The following USP34 variants were observed in gnomAD, a reference collection of about 807,000 sequenced individuals.
USP34 encodes the protein ubiquitin carboxyl-terminal hydrolase 34.
Under a neutral mutation model 460.3 loss-of-function variants are expected in USP34, and 70 were observed. The observed-to-expected ratio is 0.15, with a 90% CI of 0.13 to 0.19. The LOEUF is 0.19. USP34 is among the 10% of genes least tolerant of loss of function. The pLI is 1.00. For missense variants in USP34, 3,985 were observed against 4,236.2 expected (o/e 0.94, Z 1.65); for synonymous variants, 1,647 against 1,405.3 (o/e 1.17, Z -3.85).
At chr2:61,459,696 G>A (rs759186816) in intron 1 of USP34, among the ~76,000 whole-genome samples, 1 of 150,140 alleles carries the variant, frequency 6.7e-6, no homozygotes, top group Non-Finnish European at 1.5e-5. Flanking sequence ...AGAATCGCTT[G>A]AACCCGGGAG....
intron 32 of USP34, 24 bp from the exon 33 acceptor site, chr2:61,293,574 A>G: frequency 6.3e-7 from 1 of 1,582,252 alleles, no homozygotes; most frequent in Non-Finnish European, 8.7e-7. Context: ...TGAAAGTAAT[A>G]GTAAGAGAAA....
intron 18 of USP34, among the ~76,000 whole-genome samples, chr2:61,338,400 G>T (rs1691491659): frequency 6.6e-6 from 1 of 152,104 alleles, no homozygotes; most frequent in Non-Finnish European, 1.5e-5. Flanking sequence ...ATATGTGCAT[G>T]AACAATGAAT....
intron 42 of USP34, 79 bp downstream of exon 42, chr2:61,265,905 C>T (rs1464223569): frequency 1.5e-6 from 2 of 1,316,202 alleles, no homozygotes; most frequent in Non-Finnish European, 2.0e-6. Context: ...AGAGCAGATT[C>T]TTTTGTTAAA....
intron 2 of USP34, among the ~76,000 whole-genome samples, chr2:61,416,085 T>G (rs1028270854): frequency 6.6e-6 from 1 of 152,212 alleles, no homozygotes; most frequent in Non-Finnish European, 1.5e-5. Context: ...AAAGGACTAT[T>G]ACTCCACAGT....
chr2:61,296,967 A>G (rs887784013), intron 29 of USP34, 42 bp from the exon 30 acceptor site: 3 of 1,552,666 alleles, frequency 1.9e-6, no homozygotes, highest in Non-Finnish European at 2.6e-6. Flanking sequence ...ACAGATCAGA[A>G]AAGAAAAAGT....
At chr2:61,195,366 TAAAAAA>T (rs34844512) in intron 75 of USP34, among the ~76,000 whole-genome samples, 1 of 140,208 alleles carries the variant, frequency 7.1e-6, no homozygotes, top group Non-Finnish European at 1.5e-5. Context: ...TTTTAAAGGT[TAAAAAA>T]AAAAAAAAAA....
rs78918282 is a variant in USP34 at position 61,443,898 on chromosome 2, G to C, written c.44-23065C>G. On this transcript the variant is annotated intron_variant, in intron 1 of 79. Coordinates refer to ENST00000398571, the MANE Select transcript of USP34 (RefSeq NM_014709.4). ...AGATGTTGATAATGGAGGAGGCTTC[G>C]TGTGTGGGGAGTCAGGTGGCATACC... 8.3e-4 allele frequency among the ~76,000 whole-genome samples: 126 copies of C among 152,244 alleles called. 1 individual carries two copies. The East Asian group carries it at 0.011, about 13-fold the overall frequency.
At chr2:61,324,664 G>A (rs935550115) in intron 21 of USP34, among the ~76,000 whole-genome samples, 4 of 151,976 alleles carry the variant, frequency 2.6e-5, no homozygotes, top group Admixed American at 6.6e-5. Flanking sequence ...ACGTTACTGA[G>A]GAGGCTAAGG....
intron 15 of USP34, 106 bp downstream of exon 15, chr2:61,347,764 C>G (rs1480517880): frequency 6.7e-7 from 1 of 1,503,398 alleles, no homozygotes; most frequent in Non-Finnish European, 8.9e-7. Context: ...TTGCACTATA[C>G]TACTAATGAA....
At chr2:61,229,457 T>TAAAAAAAAAAAAAAAAAAA (rs57231258) in intron 59 of USP34, 91 bp downstream of exon 59, 33 of 382,098 alleles carry the variant, frequency 8.6e-5, no homozygotes, top group African/African-American at 1.8e-4. Context: ...CCCTATCTCT[T>TAAAAAAAAAAAAAAAAAAA]AAAAAAAAAA....
intron 1 of USP34, among the ~76,000 whole-genome samples, chr2:61,458,273 T>C (rs1573064767): frequency 1.3e-5 from 2 of 152,014 alleles, no homozygotes; most frequent in South Asian, 4.2e-4. Flanking sequence ...TAAGAAGGTA[T>C]ATACAGGCCA....
At chr2:61,278,977 C>A (rs2103952131) in intron 39 of USP34, among the ~76,000 whole-genome samples, 1 of 152,160 alleles carries the variant, frequency 6.6e-6, no homozygotes, top group East Asian at 1.9e-4. Context: ...AACATTAAAA[C>A]AGACTTCACA....
At chr2:61,240,167 G>A (rs948152198) in intron 53 of USP34, among the ~76,000 whole-genome samples, 4 of 152,040 alleles carry the variant, frequency 2.6e-5, no homozygotes, top group African/African-American at 9.7e-5. Flanking sequence ...TTGGCTGACT[G>A]AATTCCTAAC....
intron 53 of USP34, among the ~76,000 whole-genome samples, chr2:61,240,864 G>T (rs921178535): frequency 6.6e-6 from 1 of 152,030 alleles, no homozygotes; most frequent in Non-Finnish European, 1.5e-5. Flanking sequence ...ATGAGCCACT[G>T]CGCCTGGGTG....
chr2:61,321,658 T>C (rs185261203), intron 21 of USP34, among the ~76,000 whole-genome samples: 4 of 152,346 alleles, frequency 2.6e-5, no homozygotes, highest in Non-Finnish European at 5.9e-5. Flanking sequence ...TTTCACATAA[T>C]TTATGTTTTT....
At chr2:61,346,764 G>A (rs1440688719) in intron 15 of USP34, among the ~76,000 whole-genome samples, 5 of 147,518 alleles carry the variant, frequency 3.4e-5, no homozygotes, top group South Asian at 2.2e-4. Flanking sequence ...CCTGGGAGAC[G>A]GAGGTTGCAG....
intron 41 of USP34, among the ~76,000 whole-genome samples, chr2:61,271,627 GA>G (rs1202223861): frequency 6.6e-6 from 1 of 151,762 alleles, no homozygotes; most frequent in Non-Finnish European, 1.5e-5. Flanking sequence ...GGGAGGAGGA[GA>G]AAGAAAGGAA....
chr2:61,284,218 T>TG (rs1005514633), intron 35 of USP34, among the ~76,000 whole-genome samples: 3 of 152,200 alleles, frequency 2.0e-5, no homozygotes, highest in African/African-American at 7.2e-5. Flanking sequence ...GAGATGTGTG[T>TG]GACAAACACA....
Position 61,297,999 on chromosome 2 carries a change from T to C in USP34, c.4129-1074A>G, listed in dbSNP as rs566560847. The stretch of plus-strand genomic sequence containing the variant: ...TTCAATAAAACAACTCATCATTCCG[T>C]TGTAAATAACCATTAAAAAGAGAAA... On this transcript the variant is annotated intron_variant, in intron 29 of 79. Coordinates refer to ENST00000398571, the MANE Select transcript of USP34 (RefSeq NM_014709.4). Among the ~76,000 whole-genome samples, 5 of 152,250 alleles carry C rather than the reference T, an allele frequency of 3.3e-5. No individual in the cohort carries two copies. In the East Asian group the frequency reaches 9.7e-4, roughly 29 times the overall value.
Sources: gnomAD v4.1 joint callset for allele counts (sites outside exome capture counted in the v4.1 genomes callset) on GRCh38, gnomAD v4.1.1 for gene constraint, MANE v1.5 for transcripts, NCBI Gene and HGNC (gene_info 2026-07-23, HGNC 2026-07-21) for gene names.